Variants in ATRNL1 observed in about 807,000 individuals in gnomAD.
ATRNL1 encodes attractin like 1, also known as attractin-like protein 1.
Under a neutral mutation model 182.7 loss-of-function variants are expected in ATRNL1, and 95 were observed. That is an observed-to-expected ratio of 0.52 (90% CI 0.44 to 0.62). The LOEUF (loss-of-function observed/expected upper bound fraction) is 0.62, where lower values mean the gene tolerates loss of function less well. ATRNL1 is among the 20% of genes least tolerant of loss of function. The probability of loss-of-function intolerance (pLI) is 0.00; values close to 1 mark genes in which losing one functional copy is unlikely to be tolerated. For synonymous variants in ATRNL1, 576 were observed against 568.3 expected, an observed-to-expected ratio of 1.01 and a Z score of -0.19; for missense variants, 1,471 against 1,679.5, an observed-to-expected ratio of 0.88 and a Z score of 2.17.
rs1214265131 is a variant in ATRNL1 at position 115,520,078 on chromosome 10, G to A, written c.3716+754G>A. On this transcript the variant is annotated intron_variant, in intron 25 of 28. Transcript: ENST00000355044. ...TGTGAAGTTTATGCTGGTCATTTGG[G>A]TGCCTTTGTACAAATTAGACAAATA... 3.9e-5 allele frequency among the ~76,000 whole-genome samples: 6 copies of A among 152,176 alleles called. No individual in the cohort carries two copies. In the East Asian group the frequency reaches 1.2e-3, roughly 29 times the overall value.
At chr10:115,247,285 T>C (rs1323172049) in intron 10 of ATRNL1, among the ~76,000 whole-genome samples, 1 of 152,040 alleles carries the variant, frequency 6.6e-6, no homozygotes, top group Non-Finnish European at 1.5e-5. Flanking sequence ...ATCCAGAATA[T>C]ACAAAGAACT....
At chr10:115,206,935 G>C (rs201823664) in intron 8 of ATRNL1, among the ~76,000 whole-genome samples, 2 of 152,072 alleles carry the variant, frequency 1.3e-5, no homozygotes, top group African/African-American at 4.8e-5. Context: ...GAGAACATGC[G>C]GTGTTTGGTT....
chr10:115,771,424 G>A (rs1198778580), intron 27 of ATRNL1, among the ~76,000 whole-genome samples: 4 of 151,996 alleles, frequency 2.6e-5, no homozygotes, highest in African/African-American at 9.7e-5. Flanking sequence ...TAGAAACGGG[G>A]TTTCACCGTG....
chr10:115,926,801 G>T (rs1368718040), intron 28 of ATRNL1, among the ~76,000 whole-genome samples: 2 of 152,108 alleles, frequency 1.3e-5, no homozygotes, highest in Non-Finnish European at 2.9e-5. Flanking sequence ...TCTAGGACCA[G>T]AAGGATTCAC....
intron 28 of ATRNL1, among the ~76,000 whole-genome samples, chr10:115,882,697 T>A (rs782368419): frequency 6.6e-6 from 1 of 152,158 alleles, no homozygotes; most frequent in African/African-American, 2.4e-5. Context: ...AGTTGGAGAA[T>A]GAGAAGAGGA....
chr10:115,669,356 A>G (rs551904833), intron 26 of ATRNL1, among the ~76,000 whole-genome samples: 280 of 152,270 alleles, frequency 1.8e-3, no homozygotes, highest in Non-Finnish European at 3.5e-3. Context: ...GAGTTAGAGT[A>G]TATCTAGATA....
intron 2 of ATRNL1, among the ~76,000 whole-genome samples, chr10:115,121,318 G>A (rs1182307534): frequency 6.6e-6 from 1 of 152,136 alleles, no homozygotes; most frequent in Non-Finnish European, 1.5e-5. Context: ...TACCATGTTG[G>A]CCAGGATGGT....
At chr10:115,389,995 C>G (rs1843937871) in intron 19 of ATRNL1, among the ~76,000 whole-genome samples, 1 of 151,948 alleles carries the variant, frequency 6.6e-6, no homozygotes, top group Non-Finnish European at 1.5e-5. Flanking sequence ...TGTATGTCTG[C>G]TTTTAAAAAA....
intron 13 of ATRNL1, among the ~76,000 whole-genome samples, chr10:115,276,505 G>T: frequency 6.6e-6 from 1 of 152,086 alleles, no homozygotes; most frequent in East Asian, 1.9e-4. Flanking sequence ...GAGAGCAGAT[G>T]GTACTCACTT....
At chr10:115,738,338 C>T (rs78669432) in intron 27 of ATRNL1, among the ~76,000 whole-genome samples, 3 of 151,424 alleles carry the variant, frequency 2.0e-5, no homozygotes, top group African/African-American at 4.8e-5. Context: ...CAGGGTTTGA[C>T]CATGTTGGCC....
chr10:115,458,407 T>C (rs781917892), intron 21 of ATRNL1, among the ~76,000 whole-genome samples: 1 of 152,176 alleles, frequency 6.6e-6, no homozygotes, highest in African/African-American at 2.4e-5. Context: ...CATTCATTGG[T>C]ATTCTTATTA....
intron 8 of ATRNL1, among the ~76,000 whole-genome samples, chr10:115,179,576 T>A (rs1847667154): frequency 6.6e-6 from 1 of 152,112 alleles, no homozygotes; most frequent in Admixed American, 6.6e-5. Flanking sequence ...ATCATATTAT[T>A]TATTTCCTGT....
chr10:115,461,992 A>G lies in ATRNL1; in HGVS notation c.3374A>G (p.Asp1125Gly). Residue 1125 changes from aspartate to glycine, a missense_variant, in exon 22 of 29, where the codon GAT (aspartate) becomes GGT (glycine). Transcript: ENST00000355044. ...QFTFSLLQEDDRHHTAINFIA... is the reference protein window; with the variant it reads ...QFTFSLLQEDGRHHTAINFIA... ...ACCTTCAGCTTATTACAGGAAGATG[A>G]TCGCCACCATACTGCCATAAACTTT... 6.2e-7 allele frequency: 1 copy of G among 1,611,816 alleles called. No homozygotes were observed.
intron 28 of ATRNL1, among the ~76,000 whole-genome samples, chr10:115,931,102 C>T (rs1299712205): frequency 1.3e-5 from 2 of 152,086 alleles, no homozygotes; most frequent in African/African-American, 4.8e-5. Flanking sequence ...GGGTGAATAT[C>T]CAGGTTGATT....
At chr10:115,748,122 T>C (rs1948345176) in intron 27 of ATRNL1, among the ~76,000 whole-genome samples, 1 of 152,028 alleles carries the variant, frequency 6.6e-6, no homozygotes, top group South Asian at 2.1e-4. Flanking sequence ...AGTGGTTGTA[T>C]CTACTGGCCT....
At chr10:115,362,914 C>T (rs1243693295) in intron 19 of ATRNL1, among the ~76,000 whole-genome samples, 12 of 151,876 alleles carry the variant, frequency 7.9e-5, no homozygotes, top group Admixed American at 6.6e-4. Flanking sequence ...TTAATCCAGT[C>T]TATCATTGAT....
intron 27 of ATRNL1, among the ~76,000 whole-genome samples, chr10:115,770,458 A>G (rs1948962414): frequency 6.6e-6 from 1 of 152,188 alleles, no homozygotes; most frequent in African/African-American, 2.4e-5. Context: ...GTTTTAACCA[A>G]TCAGTGAGAA....
At chr10:115,488,933 C>T (rs1554975795) in intron 24 of ATRNL1, among the ~76,000 whole-genome samples, 1 of 152,080 alleles carries the variant, frequency 6.6e-6, no homozygotes, top group East Asian at 1.9e-4. Context: ...TGTCTTTGTT[C>T]TCATTGGTTT....
chr10:115,780,050 C>T (rs1478633947), intron 27 of ATRNL1, among the ~76,000 whole-genome samples: 1 of 152,170 alleles, frequency 6.6e-6, no homozygotes, highest in Non-Finnish European at 1.5e-5. Context: ...CTGAAAGAGG[C>T]ACTGAAGAGA....
Sources: allele counts gnomAD v4.1 joint callset (sites outside exome capture counted in the v4.1 genomes callset), GRCh38; gene constraint gnomAD v4.1.1; transcripts MANE v1.5; gene names NCBI Gene and HGNC (gene_info 2026-07-23, HGNC 2026-07-21).